CCDC148: variants seen among roughly 807,000 people sequenced by gnomAD.
CCDC148 encodes the protein coiled-coil domain-containing protein 148.
A neutral mutation model predicts 85.7 loss-of-function variants in CCDC148; 89 were observed. The ratio of observed to expected loss-of-function variants is 1.04; its 90% CI spans 0.87 to 1.24. CCDC148 has a LOEUF of 1.24. Among genes scored for constraint, CCDC148 ranks in the 50% most tolerant of loss-of-function variants. The pLI, the probability that CCDC148 is intolerant of heterozygous loss-of-function variation, is 0.00. For synonymous variants in CCDC148, 230 were observed against 213.9 expected (o/e 1.08, Z -0.66); for missense variants, 692 against 671.7 (o/e 1.03, Z -0.33).
At position 158,433,116 on chromosome 2, in the gene CCDC148, T is replaced by A. The variant is rs759487165; in HGVS notation, c.25+23299A>T. Among the ~76,000 whole-genome samples the A allele has an allele frequency of 5.4e-3, 490 of 90,304 alleles. 4 individuals are homozygous for A. The highest frequency in any genetic ancestry group is 0.011 in the Non-Finnish European group (412 of 38,784). The allele number at this position is 90,304 out of a possible 152,430, so 59.2% of individuals were successfully genotyped here. A position where few individuals can be genotyped will look rare whatever the true frequency, so the allele number is the denominator to read the frequency against. ...AATATATATATATATATATATGACT[T>A]GGGTGTCATGGCCCACACCTGTAGT... On this transcript the variant is annotated intron_variant, in intron 1 of 13. Transcript: ENST00000283233.
intron 8 of CCDC148, among the ~76,000 whole-genome samples, chr2:158,311,045 ACG>A (rs1026955365): frequency 2.6e-5 from 4 of 151,950 alleles, no homozygotes; most frequent in Middle Eastern, 3.2e-3. Flanking sequence ...GGCCAGGCAG[ACG>A]CTGCTCACTT....
At chr2:158,338,183 T>C (rs1462682501) in intron 7 of CCDC148, among the ~76,000 whole-genome samples, 2 of 152,168 alleles carry the variant, frequency 1.3e-5, no homozygotes, top group Non-Finnish European at 2.9e-5. Context: ...GCTGCCAAAC[T>C]GAATTTTAAA....
chr2:158,434,025 T>C (rs145290238), intron 1 of CCDC148, among the ~76,000 whole-genome samples: 3,357 of 152,312 alleles, frequency 0.022, 112 homozygotes, highest in African/African-American at 0.076. Flanking sequence ...CCTGCCTCTG[T>C]AGACTCCACC....
intron 9 of CCDC148, among the ~76,000 whole-genome samples, chr2:158,269,667 T>C (rs1232214409): frequency 6.6e-6 from 1 of 152,182 alleles, no homozygotes; most frequent in African/African-American, 2.4e-5. Context: ...CCTCACAGGA[T>C]ACCTAATTGG....
intron 1 of CCDC148, among the ~76,000 whole-genome samples, chr2:158,394,753 C>T (rs1685453905): frequency 6.6e-6 from 1 of 152,050 alleles, no homozygotes; most frequent in African/African-American, 2.4e-5. Flanking sequence ...GGCCTCTCTC[C>T]TTGAGGTAAT....
rs1423837511 is a variant in CCDC148, at chr2:158,179,016, G to T, written c.1371-20C>A. Reference sequence around the variant, plus strand: ...TTAACCCTTTAAAAATAACACAGAAGGAAGTTGTGGAAGCATCATAATAAT... The same window carrying T: ...TTAACCCTTTAAAAATAACACAGAATGAAGTTGTGGAAGCATCATAATAAT... On this transcript the variant is annotated intron_variant, in intron 11 of 13. Transcript: ENST00000283233. The T allele has an allele frequency of 6.5e-7, 1 of 1,539,626 alleles. No homozygotes were observed. The highest frequency in any genetic ancestry group is 2.3e-5 in the East Asian group (1 of 44,408).
At chr2:158,389,913 C>T (rs969479162) in intron 1 of CCDC148, among the ~76,000 whole-genome samples, 1 of 152,112 alleles carries the variant, frequency 6.6e-6, no homozygotes, top group African/African-American at 2.4e-5. Flanking sequence ...GCCTTAATTG[C>T]CTTTCCAGAA....
Position 158,179,204 on chromosome 2 carries a change from G to T in CCDC148, c.1371-208C>A, listed in dbSNP as rs557018750. On this transcript the variant is annotated intron_variant, in intron 11 of 13. Coordinates refer to ENST00000283233, the MANE Select transcript of CCDC148 (RefSeq NM_138803.4). ...TTTTTTTTTTTGAGACACAGTCTTGGCTTGAGTGCAGAGGCACGATCTTGG... is the reference window on the plus strand; with the variant it reads ...TTTTTTTTTTTGAGACACAGTCTTGTCTTGAGTGCAGAGGCACGATCTTGG... Among the ~76,000 whole-genome samples, 60 of 95,764 alleles carry T rather than the reference G, an allele frequency of 6.3e-4. 1 individual carries two copies. The South Asian group carries it at 0.02, about 32-fold the overall frequency. 62.8% of individuals were successfully genotyped at this position (95,764 alleles called of 152,430 possible).
chr2:158,204,346 C>A (rs377750576), intron 11 of CCDC148, among the ~76,000 whole-genome samples: 4 of 152,120 alleles, frequency 2.6e-5, no homozygotes, highest in African/African-American at 9.7e-5. Context: ...CTACTTGAAT[C>A]TTGATGGGCC....
chr2:158,336,699 A>G (rs535706846), intron 7 of CCDC148, among the ~76,000 whole-genome samples: 1 of 152,300 alleles, frequency 6.6e-6, no homozygotes, highest in East Asian at 1.9e-4. Flanking sequence ...GTAGATTCCT[A>G]CTGTTCCCAT....
intron 8 of CCDC148, among the ~76,000 whole-genome samples, chr2:158,310,577 C>T (rs982148337): frequency 4.6e-5 from 7 of 151,292 alleles, no homozygotes; most frequent in Admixed American, 2.0e-4. Context: ...GGGCGGCTGC[C>T]GGGCGGAGGG....
Position 158,193,864 on chromosome 2 carries a change from C to G in CCDC148, c.1371-14868G>C, listed in dbSNP as rs547180539. Reference sequence around the variant, plus strand: ...TATCTCCTAATGCTATCCCTCCCCCCACCCCACAACAGGCCCCAGTGTGTG... The same window carrying G: ...TATCTCCTAATGCTATCCCTCCCCCGACCCCACAACAGGCCCCAGTGTGTG... On this transcript the variant is annotated intron_variant, in intron 11 of 13. Transcript: ENST00000283233. Among the ~76,000 whole-genome samples the G allele has an allele frequency of 1.2e-4, 12 of 104,062 alleles. No individual in the cohort carries two copies. The East Asian group carries it at 3.1e-3, about 27-fold the overall frequency. The allele number at this position is 104,062 out of a possible 152,430, so 68.3% of individuals were successfully genotyped here. A position where few individuals can be genotyped will look rare whatever the true frequency, so the allele number is the denominator to read the frequency against.
At position 158,203,058 on chromosome 2, in the gene CCDC148, C is replaced by T. The variant is rs10497196; in HGVS notation, c.1370+17537G>A. On this transcript the variant is annotated intron_variant, in intron 11 of 13. Coordinates refer to ENST00000283233, the MANE Select transcript of CCDC148 (RefSeq NM_138803.4). ...GAGCTGCTGTAAGTAGGGAGGCTTG[C>T]TTCAAGTTTGTAATCAGTGTGATTG... 9.9e-3 allele frequency among the ~76,000 whole-genome samples: 1,501 copies of T among 152,200 alleles called. 24 individuals carry two copies. Among genetic ancestry groups the T allele is most frequent in the African/African-American group, 0.035 (1,438 of 41,516 alleles).
chr2:158,315,208 G>C (rs892873722), intron 7 of CCDC148, among the ~76,000 whole-genome samples: 4 of 152,248 alleles, frequency 2.6e-5, no homozygotes, highest in South Asian at 4.2e-4. Context: ...ATAGACAAAG[G>C]CTTCTGCAAA....
chr2:158,311,514 T>C lies in CCDC148; in HGVS notation c.904-1875A>G, dbSNP rs1692019289. Among the ~76,000 whole-genome samples, 3 of 144,890 alleles carry C rather than the reference T, an allele frequency of 2.1e-5. No individual in the cohort carries two copies. In the South Asian group the frequency reaches 6.3e-4, roughly 31 times the overall value. ...GACCGTGGAAAGCGGGAGACGGAGA[T>C]GACGGAGAGGGAGAGGCAGAGGGAG... On this transcript the variant is annotated intron_variant, in intron 8 of 13. Transcript: ENST00000283233.
At chr2:158,444,224 A>C (rs994849435) in intron 1 of CCDC148, among the ~76,000 whole-genome samples, 1 of 152,096 alleles carries the variant, frequency 6.6e-6, no homozygotes, top group South Asian at 2.1e-4. Flanking sequence ...TACAGCAAAC[A>C]TGGTGAAATG....
intron 9 of CCDC148, among the ~76,000 whole-genome samples, chr2:158,306,361 A>G (rs1691686248): frequency 6.6e-6 from 1 of 152,152 alleles, no homozygotes; most frequent in South Asian, 2.1e-4. Flanking sequence ...TCTCTACTAA[A>G]AAAAAAATAC....
chr2:158,336,240 T>C (rs1166986955), intron 7 of CCDC148, among the ~76,000 whole-genome samples: 1 of 152,178 alleles, frequency 6.6e-6, no homozygotes, highest in African/African-American at 2.4e-5. Context: ...AGTATACTTT[T>C]ATGCCTTACT....
chr2:158,215,567 A>T (rs1014527411), intron 11 of CCDC148, among the ~76,000 whole-genome samples: 1 of 151,722 alleles, frequency 6.6e-6, no homozygotes, highest in Non-Finnish European at 1.5e-5. Context: ...ATTATACTTT[A>T]AAGTTCTAGG....
Sources: allele counts gnomAD v4.1 joint callset (sites outside exome capture counted in the v4.1 genomes callset), GRCh38; gene constraint gnomAD v4.1.1; transcripts MANE v1.5; gene names NCBI Gene and HGNC (gene_info 2026-07-23, HGNC 2026-07-21).